Variants in DCC observed in about 807,000 individuals in gnomAD.
The protein encoded by DCC is netrin receptor DCC.
In DCC, 58 loss-of-function variants were observed where a neutral mutation model predicts 172.5. The ratio of observed to expected loss-of-function variants is 0.34; its 90% confidence interval spans 0.27 to 0.42. The LOEUF (loss-of-function observed/expected upper bound fraction) is 0.42, where lower values mean the gene tolerates loss of function less well. DCC is among the 10% of genes least tolerant of loss of function. The pLI is 1.00. For synonymous variants in DCC, 709 were observed against 644.5 expected (o/e 1.10, Z -1.52); for missense variants, 1,740 against 1,791.0 (o/e 0.97, Z 0.51).
chr18:52,802,565 G>A (rs11873067), intron 2 of DCC, among the ~76,000 whole-genome samples: 13,367 of 141,496 alleles, frequency 0.094, 667 homozygotes, highest in South Asian at 0.19. Flanking sequence ...TGCAGCCTCA[G>A]TCTCCTGAGC....
intron 1 of DCC, among the ~76,000 whole-genome samples, chr18:52,741,675 C>A (rs1378577654): frequency 6.6e-6 from 1 of 152,152 alleles, no homozygotes; most frequent in African/African-American, 2.4e-5. Context: ...AAAATTCTTT[C>A]ACTTGCCTAT....
chr18:53,276,923 A>G (rs1222318018), intron 12 of DCC, among the ~76,000 whole-genome samples: 1 of 152,120 alleles, frequency 6.6e-6, no homozygotes, highest in Non-Finnish European at 1.5e-5. Flanking sequence ...GTGGTACTTG[A>G]AGCCATGGGA....
At chr18:52,757,895 GCA>G (rs1265244342) in intron 2 of DCC, among the ~76,000 whole-genome samples, 2 of 152,062 alleles carry the variant, frequency 1.3e-5, no homozygotes, top group Non-Finnish European at 2.9e-5. Flanking sequence ...AAATCCAGAT[GCA>G]CACTTATTCC....
chr18:53,524,205 A>G (rs1331004932), intron 27 of DCC, among the ~76,000 whole-genome samples: 1 of 152,082 alleles, frequency 6.6e-6, no homozygotes, highest in Non-Finnish European at 1.5e-5. Flanking sequence ...GCCATTCTAT[A>G]ATGTATATAC....
chr18:53,178,622 C>G (rs1054534474), intron 8 of DCC, among the ~76,000 whole-genome samples: 20 of 152,204 alleles, frequency 1.3e-4, no homozygotes, highest in African/African-American at 4.8e-4. Context: ...GTCTTCCTGT[C>G]TACATTCCAG....
intron 1 of DCC, among the ~76,000 whole-genome samples, chr18:52,619,704 T>C (rs1398511201): frequency 7.0e-6 from 1 of 143,260 alleles, no homozygotes; most frequent in Non-Finnish European, 1.6e-5. Flanking sequence ...GAGCCATCAT[T>C]TTCTGTCATA....
intron 1 of DCC, among the ~76,000 whole-genome samples, chr18:52,733,227 T>C (rs1398956207): frequency 6.6e-6 from 1 of 152,176 alleles, no homozygotes; most frequent in African/African-American, 2.4e-5. Context: ...GCCATTATTC[T>C]TCATGGTCAA....
intron 5 of DCC, among the ~76,000 whole-genome samples, chr18:53,041,720 G>A (rs1462118202): frequency 6.6e-6 from 1 of 151,972 alleles, no homozygotes; most frequent in Non-Finnish European, 1.5e-5. Context: ...TCCTTGAAGA[G>A]GTCCTTCACA....
chr18:52,374,504 C>CTATATA (rs111531316), intron 1 of DCC, among the ~76,000 whole-genome samples: 1 of 147,464 alleles, frequency 6.8e-6, no homozygotes, highest in African/African-American at 2.5e-5. Context: ...GCTATAAATG[C>CTATATA]TATATATATA....
chr18:52,473,066 C>T (rs1988992054), intron 1 of DCC, among the ~76,000 whole-genome samples: 1 of 152,104 alleles, frequency 6.6e-6, no homozygotes, highest in Admixed American at 6.5e-5. Flanking sequence ...TTGAAAAACA[C>T]AAAGCTTGTT....
At chr18:52,817,526 T>G (rs11082950) in intron 2 of DCC, among the ~76,000 whole-genome samples, 47,990 of 151,924 alleles carry the variant, frequency 0.32, 7,906 homozygotes, top group Middle Eastern at 0.41. Flanking sequence ...CATATTTTCA[T>G]AATTGAGATT....
At position 52,730,546 on chromosome 18, in the gene DCC, G is replaced by C. The variant is rs114602212; in HGVS notation, c.92-21508G>C. 7.3e-3 allele frequency among the ~76,000 whole-genome samples: 1,111 copies of C among 152,168 alleles called. 11 individuals carry two copies. The highest frequency in any genetic ancestry group is 0.026 in the African/African-American group (1,079 of 41,512). On this transcript the variant is annotated intron_variant, in intron 1 of 28. Transcript: ENST00000442544. The stretch of plus-strand genomic sequence containing the variant: ...ACTATTGCAGATGTTTGTAAATCCT[G>C]GATTCCAAACATGGAACCCTTGTGT...
At chr18:53,385,815 G>A (rs1008109568) in intron 15 of DCC, among the ~76,000 whole-genome samples, 8 of 152,172 alleles carry the variant, frequency 5.3e-5, no homozygotes, top group South Asian at 4.2e-4. Context: ...AAATGCTTTC[G>A]GTTTTCTACC....
intron 1 of DCC, among the ~76,000 whole-genome samples, chr18:52,375,339 G>C (rs1030147837): frequency 6.6e-6 from 1 of 152,052 alleles, no homozygotes; most frequent in African/African-American, 2.4e-5. Context: ...ACACATTTAA[G>C]ATATATGCAA....
At chr18:52,775,983 T>G (rs1310378345) in intron 2 of DCC, among the ~76,000 whole-genome samples, 1 of 152,148 alleles carries the variant, frequency 6.6e-6, no homozygotes, top group Non-Finnish European at 1.5e-5. Flanking sequence ...ATCAAGATGT[T>G]CCCAGCACAA....
chr18:53,387,488 A>T (rs538068159), intron 16 of DCC, among the ~76,000 whole-genome samples: 2 of 152,332 alleles, frequency 1.3e-5, no homozygotes, highest in South Asian at 4.1e-4. Flanking sequence ...TGTATAATCA[A>T]AGGGGTTCAT....
At chr18:53,228,402 A>G (rs567391855) in intron 12 of DCC, among the ~76,000 whole-genome samples, 4 of 152,310 alleles carry the variant, frequency 2.6e-5, no homozygotes, top group Admixed American at 1.3e-4. Context: ...TTAATGATAA[A>G]TATTCATTGA....
At chr18:52,997,960 C>G (rs1349788646) in intron 5 of DCC, among the ~76,000 whole-genome samples, 1 of 152,056 alleles carries the variant, frequency 6.6e-6, no homozygotes, top group Non-Finnish European at 1.5e-5. Context: ...ATAACCTCAT[C>G]TCTCAGGTTC....
At chr18:52,366,689 GC>G (rs952728419) in intron 1 of DCC, among the ~76,000 whole-genome samples, 2 of 147,090 alleles carry the variant, frequency 1.4e-5, no homozygotes, top group African/African-American at 5.2e-5. Context: ...GTTCTCCAAG[GC>G]CCCACCAGAG....
Sources: gnomAD v4.1 joint callset for allele counts (sites outside exome capture counted in the v4.1 genomes callset) on GRCh38, gnomAD v4.1.1 for gene constraint, MANE v1.5 for transcripts, NCBI Gene and HGNC (gene_info 2026-07-23, HGNC 2026-07-21) for gene names.